Variants in GULP1 observed in about 807,000 individuals in gnomAD.
GULP1 encodes PTB domain-containing engulfment adapter protein 1.
A neutral mutation model predicts 40.9 loss-of-function variants in GULP1; 19 were observed. That is an observed-to-expected ratio of 0.46 (90% CI 0.32 to 0.68). GULP1 has a LOEUF of 0.68. GULP1 is among the 30% of genes least tolerant of loss of function. GULP1 has a pLI of 0.03. For missense variants in GULP1, 312 were observed against 362.2 expected, an observed-to-expected ratio of 0.86 and a Z score of 1.12; for synonymous variants, 119 against 117.6, an observed-to-expected ratio of 1.01 and a Z score of -0.08.
intron 2 of GULP1, among the ~76,000 whole-genome samples, chr2:188,396,499 T>C (rs2051294993): frequency 6.6e-6 from 1 of 152,174 alleles, no homozygotes; most frequent in South Asian, 2.1e-4. Context: ...CTAAAGCAGG[T>C]CTCACATCTG....
chr2:188,301,937 A>G (rs957841456), intron 1 of GULP1, among the ~76,000 whole-genome samples: 6 of 152,184 alleles, frequency 3.9e-5, no homozygotes, highest in African/African-American at 1.4e-4. Context: ...TTGACTCCCT[A>G]CTATATTTCT....
chr2:188,549,572 AAC>A (rs1233002160), intron 7 of GULP1, among the ~76,000 whole-genome samples: 9 of 151,884 alleles, frequency 5.9e-5, no homozygotes, highest in Admixed American at 5.9e-4. Flanking sequence ...ATTCAGGAAA[AAC>A]AGTTTGGCAG....
chr2:188,422,738 A>C (rs2055619445), intron 2 of GULP1, among the ~76,000 whole-genome samples: 1 of 152,086 alleles, frequency 6.6e-6, no homozygotes. Flanking sequence ...ATTATAAATA[A>C]ATTTTTTAAA....
chr2:188,312,847 A>G (rs964910932), intron 1 of GULP1, among the ~76,000 whole-genome samples: 1 of 151,522 alleles, frequency 6.6e-6, no homozygotes, highest in Non-Finnish European at 1.5e-5. Flanking sequence ...TTTTATTGGC[A>G]TGTGCATTTC....
At chr2:188,329,641 C>T (rs1173876534) in intron 1 of GULP1, among the ~76,000 whole-genome samples, 2 of 151,938 alleles carry the variant, frequency 1.3e-5, no homozygotes, top group African/African-American at 4.8e-5. Context: ...TAGAAATTAG[C>T]GGAGGTGATG....
intron 1 of GULP1, among the ~76,000 whole-genome samples, chr2:188,308,402 A>G (rs886906497): frequency 1.3e-5 from 2 of 152,216 alleles, no homozygotes; most frequent in African/African-American, 4.8e-5. Flanking sequence ...AAATGAAAAC[A>G]TTACAAAAAA....
At chr2:188,518,217 GATTTATT>G (rs1367729682) in intron 4 of GULP1, among the ~76,000 whole-genome samples, 2 of 152,094 alleles carry the variant, frequency 1.3e-5, no homozygotes, top group African/African-American at 4.8e-5. Context: ...AAGTGCATAT[GATTTATT>G]AAGGGGGTGC....
intron 7 of GULP1, among the ~76,000 whole-genome samples, chr2:188,548,454 G>T (rs1032957429): frequency 1.3e-5 from 2 of 152,052 alleles, no homozygotes; most frequent in African/African-American, 2.4e-5. Flanking sequence ...CAAAAGAAAT[G>T]ATAGAATCTA....
At chr2:188,584,175 G>A in intron 9 of GULP1, 90 bp from the exon 10 acceptor site, 7 of 865,836 alleles carry the variant, frequency 8.1e-6, no homozygotes, top group Non-Finnish European at 1.0e-5. Context: ...TGAAATTGTT[G>A]TTTACATATA....
chr2:188,445,799 T>G (rs1178978159), intron 2 of GULP1, among the ~76,000 whole-genome samples: 1 of 152,206 alleles, frequency 6.6e-6, no homozygotes, highest in Non-Finnish European at 1.5e-5. Flanking sequence ...TTCCAGATCA[T>G]TATTAATCCT....
intron 2 of GULP1, among the ~76,000 whole-genome samples, chr2:188,410,326 G>A (rs945344062): frequency 5.9e-5 from 9 of 152,156 alleles, no homozygotes; most frequent in Non-Finnish European, 1.0e-4. Context: ...AGAAGCAAAG[G>A]CAAGAGTAGG....
At chr2:188,591,393 T>C (rs547097422) in intron 11 of GULP1, 2 of 152,050 alleles carry the variant, frequency 1.3e-5, no homozygotes, top group South Asian at 2.1e-4. Flanking sequence ...ATTAATACTT[T>C]TATTTCTGTT....
intron 1 of GULP1, among the ~76,000 whole-genome samples, chr2:188,336,515 G>C (rs2042273225): frequency 6.6e-6 from 1 of 151,118 alleles, no homozygotes; most frequent in Non-Finnish European, 1.5e-5. Flanking sequence ...ATATCAGGCT[G>C]AAAATAAACA....
chr2:188,390,915 T>A (rs1158479756), intron 2 of GULP1, among the ~76,000 whole-genome samples: 1 of 152,126 alleles, frequency 6.6e-6, no homozygotes, highest in Non-Finnish European at 1.5e-5. Context: ...TTGTCAAAGA[T>A]CAGTTGGTTA....
chr2:188,299,133 A>G (rs1184197573), intron 1 of GULP1, among the ~76,000 whole-genome samples: 1 of 141,312 alleles, frequency 7.1e-6, no homozygotes, highest in African/African-American at 2.5e-5. Context: ...GGACGGTTAC[A>G]GAGCAGGTGA....
chr2:188,299,155 TAAGGA>T (rs2035638135), intron 1 of GULP1, among the ~76,000 whole-genome samples: 1 of 140,024 alleles, frequency 7.1e-6, no homozygotes, highest in Admixed American at 7.0e-5. Flanking sequence ...CAAGGATGAC[TAAGGA>T]CAGAGCAGGT....
intron 4 of GULP1, among the ~76,000 whole-genome samples, chr2:188,519,957 C>A (rs569084552): frequency 5.3e-4 from 80 of 152,242 alleles, no homozygotes; most frequent in African/African-American, 1.8e-3. Flanking sequence ...AACCACTGCA[C>A]CTGGCTAAAA....
chr2:188,582,306 C>G (rs1289200437), intron 9 of GULP1: 3 of 467,016 alleles, frequency 6.4e-6, no homozygotes, highest in Non-Finnish European at 1.3e-5. Context: ...TGCCTGCCCT[C>G]TTAGGATATT....
intron 4 of GULP1, among the ~76,000 whole-genome samples, chr2:188,503,552 A>G (rs1286292492): frequency 6.6e-6 from 1 of 151,850 alleles, no homozygotes; most frequent in African/African-American, 2.4e-5. Flanking sequence ...CGACACATGA[A>G]GATTACAATT....
Sources: gnomAD v4.1 joint callset for allele counts (sites outside exome capture counted in the v4.1 genomes callset) on GRCh38, gnomAD v4.1.1 for gene constraint, MANE v1.5 for transcripts, NCBI Gene and HGNC (gene_info 2026-07-23, HGNC 2026-07-21) for gene names.